Variants in PRIM2 observed in about 807,000 individuals in gnomAD.
PRIM2 encodes the protein DNA primase large subunit.
A neutral mutation model predicts 67.3 loss-of-function variants in PRIM2; 39 were observed. The observed-to-expected ratio is 0.58, with a 90% CI of 0.45 to 0.76. PRIM2 has a LOEUF of 0.76. Ranked by LOEUF, PRIM2 falls within the 30% of genes least tolerant of loss-of-function variation. PRIM2 has a pLI of 0.00. For synonymous variants in PRIM2, 143 were observed against 198.7 expected, an observed-to-expected ratio of 0.72 and a Z score of 2.36; for missense variants, 398 against 598.7, an observed-to-expected ratio of 0.66 and a Z score of 3.50.
intron 7 of PRIM2, among the ~76,000 whole-genome samples, chr6:57,494,548 T>G (rs1773964230): frequency 6.6e-6 from 1 of 152,192 alleles, no homozygotes; most frequent in African/African-American, 2.4e-5. Flanking sequence ...ATTTATATTT[T>G]TACTGGTATT....
At chr6:57,640,944 A>AC (rs1465972160) in intron 13 of PRIM2, among the ~76,000 whole-genome samples, 2 of 151,590 alleles carry the variant, frequency 1.3e-5, no homozygotes, top group South Asian at 2.1e-4. Context: ...AAAAAAACAA[A>AC]AAAAAAACAA....
chr6:57,321,107 G>A (rs1009996408), intron 3 of PRIM2, among the ~76,000 whole-genome samples: 9 of 152,102 alleles, frequency 5.9e-5, no homozygotes, highest in Non-Finnish European at 1.0e-4. Context: ...TTAGAAGCCC[G>A]GAAATGATGA....
intron 7 of PRIM2, 142 bp downstream of exon 7, chr6:57,382,310 G>C: frequency 1.1e-6 from 1 of 949,232 alleles, no homozygotes; most frequent in South Asian, 3.0e-5. Flanking sequence ...ATGTTGTACT[G>C]TTAATCCCAA....
the PRIM2 span, among the ~76,000 whole-genome samples, chr6:57,251,861 T>G: frequency 6.6e-6 from 1 of 152,230 alleles, no homozygotes; most frequent in Non-Finnish European, 1.5e-5. Flanking sequence ...TCAACTTTCC[T>G]AAAATTCAGC....
chr6:57,475,440 A>G (rs1245322104), intron 7 of PRIM2, among the ~76,000 whole-genome samples: 9 of 152,192 alleles, frequency 5.9e-5, no homozygotes, highest in Non-Finnish European at 1.0e-4. Flanking sequence ...TGGACATTTC[A>G]TATAAATGGA....
At chr6:57,268,318 T>A in the PRIM2 span, among the ~76,000 whole-genome samples, 1 of 151,922 alleles carries the variant, frequency 6.6e-6, no homozygotes, top group Non-Finnish European at 1.5e-5. Context: ...CTGTAGGATA[T>A]AAGAATATTA....
chr6:57,471,340 G>T (rs1394163387), intron 7 of PRIM2, among the ~76,000 whole-genome samples: 2 of 152,172 alleles, frequency 1.3e-5, no homozygotes, highest in Non-Finnish European at 2.9e-5. Flanking sequence ...GGTGAAGAAG[G>T]TGTTGTGGTG....
chr6:57,613,047 G>A (rs1318134190), intron 12 of PRIM2, among the ~76,000 whole-genome samples: 2 of 151,720 alleles, frequency 1.3e-5, no homozygotes, highest in Admixed American at 1.3e-4. Context: ...CTGTCACCTT[G>A]GCCTCCCAAA....
chr6:57,574,215 G>A (rs1461173875), intron 10 of PRIM2, among the ~76,000 whole-genome samples: 122 of 152,286 alleles, frequency 8.0e-4, no homozygotes, highest in African/African-American at 2.6e-3. Context: ...AGTTCACTTC[G>A]GCCTCTAATT....
At chr6:57,426,165 A>T (rs1352982545) in intron 7 of PRIM2, among the ~76,000 whole-genome samples, 1 of 152,174 alleles carries the variant, frequency 6.6e-6, no homozygotes, top group Non-Finnish European at 1.5e-5. Flanking sequence ...TACACTCATC[A>T]TATAAGTATT....
intron 5 of PRIM2, among the ~76,000 whole-genome samples, chr6:57,378,297 T>C (rs12208551): frequency 6.6e-6 from 1 of 151,888 alleles, no homozygotes; most frequent in Non-Finnish European, 1.5e-5. Context: ...AACTCCTGGA[T>C]TCAAGTGATC....
At chr6:57,318,014 G>A (rs1767533225) in intron 1 of PRIM2, among the ~76,000 whole-genome samples, 1 of 152,184 alleles carries the variant, frequency 6.6e-6, no homozygotes, top group South Asian at 2.1e-4. Context: ...ACTGGACCCA[G>A]TCCATCAAGT....
intron 11 of PRIM2, among the ~76,000 whole-genome samples, chr6:57,605,833 T>C (rs1346012818): frequency 6.6e-6 from 1 of 152,206 alleles, no homozygotes; most frequent in Non-Finnish European, 1.5e-5. Flanking sequence ...AATAGTTTAT[T>C]TTTTCATCTC....
At chr6:57,324,302 C>T (rs1187432678) in intron 4 of PRIM2, 22 bp downstream of exon 4, 5 of 1,457,562 alleles carry the variant, frequency 3.4e-6, no homozygotes, top group African/African-American at 1.4e-5. Flanking sequence ...TTTATATTCT[C>T]ACAGTCAAAT....
chr6:57,464,493 T>C (rs1773121643), intron 7 of PRIM2, among the ~76,000 whole-genome samples: 1 of 152,044 alleles, frequency 6.6e-6, no homozygotes, highest in Non-Finnish European at 1.5e-5. Context: ...GGCTAGGCTG[T>C]CTTGAACTCC....
chr6:57,637,828 A>C (rs1777151244), intron 13 of PRIM2, among the ~76,000 whole-genome samples: 1 of 152,210 alleles, frequency 6.6e-6, no homozygotes. Flanking sequence ...AAAACACTTC[A>C]GGATATAATC....
At chr6:57,369,690 T>A (rs1201165801) in intron 5 of PRIM2, among the ~76,000 whole-genome samples, 2 of 152,212 alleles carry the variant, frequency 1.3e-5, no homozygotes, top group Non-Finnish European at 2.9e-5. Flanking sequence ...TTTAGGAGGA[T>A]GTTTACTTTG....
At chr6:57,613,246 G>T (rs1180317472) in intron 12 of PRIM2, among the ~76,000 whole-genome samples, 15 of 152,284 alleles carry the variant, frequency 9.9e-5, no homozygotes, top group Non-Finnish European at 2.1e-4. Flanking sequence ...AACATCCTAT[G>T]TAATAAAAAA....
At chr6:57,512,117 A>G (rs1179914842) in intron 8 of PRIM2, among the ~76,000 whole-genome samples, 1 of 152,148 alleles carries the variant, frequency 6.6e-6, no homozygotes, top group Non-Finnish European at 1.5e-5. Context: ...TGAACAAAAA[A>G]GGATAGTGGT....
Sources: allele counts gnomAD v4.1 joint callset (sites outside exome capture counted in the v4.1 genomes callset), GRCh38; gene constraint gnomAD v4.1.1; transcripts MANE v1.5; gene names NCBI Gene and HGNC (gene_info 2026-07-23, HGNC 2026-07-21).